CLIP2: variants seen among roughly 807,000 people sequenced by gnomAD.
CLIP2 encodes the protein CAP-Gly domain-containing linker protein 2.
Under a neutral mutation model 111.7 loss-of-function variants are expected in CLIP2, and 41 were observed. That is an observed-to-expected ratio of 0.37 (90% confidence interval 0.29 to 0.48). The LOEUF is 0.48. Ranked by LOEUF, CLIP2 falls within the 20% of genes least tolerant of loss-of-function variation. The pLI is 0.99. For missense variants in CLIP2, 1,160 were observed against 1,422.1 expected, an observed-to-expected ratio of 0.82 and a Z score of 2.96; for synonymous variants, 660 against 644.2, an observed-to-expected ratio of 1.02 and a Z score of -0.37.
chr7:74,389,417 GATA>G, intron 13 of CLIP2, 158 bp downstream of exon 13: 1 of 691,230 alleles, frequency 1.4e-6, no homozygotes. Context: ...TCTAAGCTCC[GATA>G]AAGTCTCCAA....
At position 74,387,591 on chromosome 7, in the gene CLIP2, G is replaced by A. The variant is rs111974524; in HGVS notation, c.2563+987G>A. ...TGTTCACCAGAACACCAGTGGTGGTGGGCATGAGACAGCCCCCCTCCTCGG... is the reference window on the plus strand; with the variant it reads ...TGTTCACCAGAACACCAGTGGTGGTAGGCATGAGACAGCCCCCCTCCTCGG... On this transcript the variant is annotated intron_variant, in intron 12 of 16. Coordinates refer to ENST00000223398, the MANE Select transcript of CLIP2 (RefSeq NM_003388.5). Among the ~76,000 whole-genome samples the A allele has an allele frequency of 5.1e-4, 77 of 152,280 alleles. 1 individual carries two copies. The Middle Eastern group carries it at 0.01, about 20-fold the overall frequency.
In CLIP2 at chr7:74,356,483, A is replaced by C. The variant is rs782064494; in HGVS notation, c.877A>C (p.Thr293Pro). ...AGTGATCCGTATCGGCTTCCCATCT[A>C]CCAGCCCAGCCAAGGCCAAGAAGAC... ...HKVIRIGFPS[T>P]SPAKAKKTKR... The change falls in exon 5 of 17, where the codon ACC (threonine) becomes CCC (proline). Residue 293 changes from threonine to proline, a missense_variant. By Grantham distance (38) the Thr-to-Pro change is conservative. Around this residue, in one of 5 missense-constraint regions of CLIP2, gnomAD observed 110 missense variants for 185.2 expected, o/e 0.59. Transcript: ENST00000223398. 6.2e-7 allele frequency: 1 copy of C among 1,614,022 alleles called. No homozygotes were observed. Among genetic ancestry groups the C allele is most frequent in the Admixed American group, 1.7e-5 (1 of 59,982 alleles).
intron 13 of CLIP2, among the ~76,000 whole-genome samples, chr7:74,393,963 A>G (rs538958228): frequency 6.6e-6 from 1 of 152,222 alleles, no homozygotes; most frequent in East Asian, 1.9e-4. Context: ...TGGAAAAGTT[A>G]TTATTGGTGC....
At chr7:74,318,570 G>A (rs977518573) in intron 2 of CLIP2, among the ~76,000 whole-genome samples, 2 of 151,938 alleles carry the variant, frequency 1.3e-5, no homozygotes, top group Non-Finnish European at 2.9e-5. Flanking sequence ...AAAATTAGTC[G>A]GGCATGGTGG....
intron 8 of CLIP2, among the ~76,000 whole-genome samples, chr7:74,370,313 G>A (rs1449302771): frequency 2.0e-5 from 3 of 151,376 alleles, no homozygotes; most frequent in Admixed American, 6.6e-5. Context: ...AAAATTAGCC[G>A]GGCGTGGTGG....
chr7:74,401,376 G>A, intron 15 of CLIP2, 129 bp from the exon 16 acceptor site: 2 of 809,828 alleles, frequency 2.5e-6, no homozygotes, highest in East Asian at 2.7e-5. Flanking sequence ...GGGGTGCTGG[G>A]AGCCCCAGGC....
chr7:74,337,924 T>G (rs1220502876), intron 2 of CLIP2, among the ~76,000 whole-genome samples: 1 of 152,102 alleles, frequency 6.6e-6, no homozygotes, highest in South Asian at 2.1e-4. Flanking sequence ...GGGCGTACTT[T>G]CCTGGGGACG....
At chr7:74,316,567 T>C (rs1009347073) in intron 1 of CLIP2, among the ~76,000 whole-genome samples, 76 of 151,846 alleles carry the variant, frequency 5.0e-4, no homozygotes, top group African/African-American at 1.8e-3. Context: ...GGGCTTTTTT[T>C]TTTTTTCTTT....
At chr7:74,373,057 G>T (rs782489591) in intron 9 of CLIP2, 21 bp downstream of exon 9, 6 of 1,516,304 alleles carry the variant, frequency 4.0e-6, no homozygotes, top group Middle Eastern at 1.7e-4. Flanking sequence ...CACCGCACCC[G>T]CCTGGCCCGC....
intron 14 of CLIP2, among the ~76,000 whole-genome samples, chr7:74,398,451 A>G (rs1488106112): frequency 6.6e-6 from 1 of 152,154 alleles, no homozygotes; most frequent in African/African-American, 2.4e-5. Context: ...ACGTCACGAT[A>G]TGGAGGGCGT....
At chr7:74,301,788 C>T (rs939950214) in intron 1 of CLIP2, among the ~76,000 whole-genome samples, 4 of 151,890 alleles carry the variant, frequency 2.6e-5, no homozygotes, top group Non-Finnish European at 4.4e-5. Flanking sequence ...TCTCGGCTCA[C>T]TGCAGCCTCT....
At chr7:74,391,247 G>A (rs1386230230) in intron 13 of CLIP2, among the ~76,000 whole-genome samples, 1 of 152,152 alleles carries the variant, frequency 6.6e-6, no homozygotes, top group African/African-American at 2.4e-5. Flanking sequence ...TAGATATGTA[G>A]TTAGAAAACA....
intron 8 of CLIP2, among the ~76,000 whole-genome samples, chr7:74,372,508 C>T (rs1554312094): frequency 6.6e-6 from 1 of 151,408 alleles, no homozygotes; most frequent in African/African-American, 2.4e-5. Flanking sequence ...TGACAGCCTG[C>T]AGGGGAACGG....
chr7:74,368,892 C>T (rs912384361), intron 8 of CLIP2, among the ~76,000 whole-genome samples: 6 of 152,192 alleles, frequency 3.9e-5, no homozygotes, highest in Non-Finnish European at 7.3e-5. Flanking sequence ...TCCCACATCC[C>T]AGACGTCATA....
intron 4 of CLIP2, among the ~76,000 whole-genome samples, chr7:74,355,273 G>T (rs1242796278): frequency 2.0e-5 from 3 of 152,158 alleles, no homozygotes; most frequent in African/African-American, 2.4e-5. Flanking sequence ...AAGACCTGGA[G>T]GTGGGAAAAG....
intron 3 of CLIP2, among the ~76,000 whole-genome samples, chr7:74,342,454 A>G (rs1789683211): frequency 6.6e-6 from 1 of 151,812 alleles, no homozygotes; most frequent in African/African-American, 2.4e-5. Flanking sequence ...GAAAGATCAC[A>G]TCCCAGAGGC....
At chr7:74,330,021 C>T (rs939072482) in intron 2 of CLIP2, among the ~76,000 whole-genome samples, 8 of 151,990 alleles carry the variant, frequency 5.3e-5, no homozygotes, top group Non-Finnish European at 8.8e-5. Flanking sequence ...TCAAGCCATC[C>T]GCCTGCCTTG....
chr7:74,291,816 C>T (rs1243117443), intron 1 of CLIP2, among the ~76,000 whole-genome samples: 3 of 152,164 alleles, frequency 2.0e-5, no homozygotes, highest in Non-Finnish European at 4.4e-5. Flanking sequence ...TCCCCACAGC[C>T]CCAGTTGTCC....
chr7:74,318,305 G>A (rs1788845687), intron 2 of CLIP2, among the ~76,000 whole-genome samples: 1 of 152,162 alleles, frequency 6.6e-6, no homozygotes, highest in African/African-American at 2.4e-5. Context: ...ACTTGGAGGT[G>A]TGCGGGGAGT....
Sources: gnomAD v4.1 joint callset for allele counts (sites outside exome capture counted in the v4.1 genomes callset) on GRCh38, gnomAD v4.1.1 for gene constraint, gnomAD v4.1.1 regional missense constraint, MANE v1.5 for transcripts, NCBI Gene and HGNC (gene_info 2026-07-23, HGNC 2026-07-21) for gene names.